The following RBFOX1 variants were observed in gnomAD, a reference collection of about 807,000 sequenced individuals.
RBFOX1 encodes the protein RNA binding protein fox-1 homolog 1.
In RBFOX1, 8 loss-of-function variants were observed where a neutral mutation model predicts 57.7. The ratio of observed to expected loss-of-function variants is 0.14; its 90% CI spans 0.08 to 0.25. The LOEUF (loss-of-function observed/expected upper bound fraction) is 0.25, where lower values mean the gene tolerates loss of function less well. Among genes scored for constraint, RBFOX1 ranks in the 10% least tolerant of loss-of-function variants. The probability of loss-of-function intolerance (pLI) is 1.00; values close to 1 mark genes in which losing one functional copy is unlikely to be tolerated. For missense variants in RBFOX1, 611 were observed against 548.5 expected, an observed-to-expected ratio of 1.11 and a Z score of -1.14; for synonymous variants, 326 against 222.4, an observed-to-expected ratio of 1.47 and a Z score of -4.15.
At chr16:6,380,714 A>G (rs1011914673) in intron 2 of RBFOX1, among the ~76,000 whole-genome samples, 14 of 152,124 alleles carry the variant, frequency 9.2e-5, no homozygotes, top group Non-Finnish European at 2.1e-4. Flanking sequence ...CCATTTCTGT[A>G]AAACAGGTGT....
intron 3 of RBFOX1, among the ~76,000 whole-genome samples, chr16:5,663,431 C>G (rs2049723860): frequency 6.6e-6 from 1 of 151,622 alleles, no homozygotes; most frequent in Non-Finnish European, 1.5e-5. Flanking sequence ...CCTCAAACTC[C>G]TGGCCTCAAG....
intron 10 of RBFOX1, among the ~76,000 whole-genome samples, chr16:7,628,905 A>G (rs1365072700): frequency 6.6e-6 from 1 of 152,134 alleles, no homozygotes; most frequent in Non-Finnish European, 1.5e-5. Flanking sequence ...GAGCCACTAC[A>G]CCTGGCCGAT....
At chr16:7,144,792 G>A (rs1472945682) in intron 4 of RBFOX1, among the ~76,000 whole-genome samples, 1 of 152,084 alleles carries the variant, frequency 6.6e-6, no homozygotes, top group Non-Finnish European at 1.5e-5. Context: ...TAAATCAATA[G>A]CAAATCAAGC....
chr16:6,797,833 C>G lies in RBFOX1; in HGVS notation c.-16+143183C>G, dbSNP rs377733789. Among the ~76,000 whole-genome samples the G allele has an allele frequency of 2.6e-5, 4 of 152,260 alleles. No individual in the cohort carries two copies. In the South Asian group the frequency reaches 8.3e-4, roughly 32 times the overall value. ...AACATTATGTCTGCAATCATGAGCT[C>G]TAGAACCACTCGACTTGAGTTGCTA... is the stretch of plus-strand genomic sequence containing the variant. On this transcript the variant is annotated intron_variant, in intron 3 of 15. Transcript: ENST00000550418.
At chr16:6,934,013 G>T (rs1471886418) in intron 3 of RBFOX1, among the ~76,000 whole-genome samples, 1 of 152,196 alleles carries the variant, frequency 6.6e-6, no homozygotes, top group Admixed American at 6.5e-5. Context: ...AGGGGTCAGG[G>T]AGGGGACACG....
chr16:7,157,330 C>G (rs975321613), intron 4 of RBFOX1, among the ~76,000 whole-genome samples: 1 of 151,958 alleles, frequency 6.6e-6, no homozygotes, highest in Non-Finnish European at 1.5e-5. Flanking sequence ...TCACAGAAAA[C>G]ATGTGTAATA....
At chr16:6,726,073 G>A (rs752264851) in intron 3 of RBFOX1, among the ~76,000 whole-genome samples, 2 of 152,096 alleles carry the variant, frequency 1.3e-5, no homozygotes, top group African/African-American at 2.4e-5. Context: ...TGACTCCTAC[G>A]TGATTATGTT....
intron 3 of RBFOX1, among the ~76,000 whole-genome samples, chr16:6,701,961 G>A (rs2061920487): frequency 6.6e-6 from 1 of 152,126 alleles, no homozygotes; most frequent in Non-Finnish European, 1.5e-5. Flanking sequence ...GAGGGTGGGA[G>A]GAGGGTGAGG....
At chr16:7,368,533 C>G (rs891448336) in intron 4 of RBFOX1, among the ~76,000 whole-genome samples, 4 of 151,812 alleles carry the variant, frequency 2.6e-5, no homozygotes, top group African/African-American at 9.7e-5. Context: ...AATCCCAGCA[C>G]TTTGGGAGGC....
At chr16:5,704,656 C>T (rs373897433) in intron 3 of RBFOX1, among the ~76,000 whole-genome samples, 1 of 152,170 alleles carries the variant, frequency 6.6e-6, no homozygotes, top group Non-Finnish European at 1.5e-5. Context: ...AAGTAGCCAA[C>T]TACTTGGGTT....
intron 1 of RBFOX1, among the ~76,000 whole-genome samples, chr16:6,135,859 A>G (rs2096663265): frequency 7.3e-6 from 1 of 137,088 alleles, no homozygotes; most frequent in Non-Finnish European, 1.5e-5. Context: ...CAGTGGCACG[A>G]TCTCAGCTCA....
chr16:5,673,624 G>A (rs2050080998), intron 3 of RBFOX1, among the ~76,000 whole-genome samples: 2 of 152,214 alleles, frequency 1.3e-5, no homozygotes, highest in Admixed American at 1.3e-4. Context: ...TGAAGTTCAT[G>A]TCTATCTTTG....
intron 3 of RBFOX1, among the ~76,000 whole-genome samples, chr16:6,945,462 A>T (rs1181850579): frequency 7.6e-6 from 1 of 132,322 alleles, no homozygotes; most frequent in Non-Finnish European, 1.6e-5. Flanking sequence ...GAAAATATGG[A>T]TATTTTGATT....
At chr16:5,387,374 C>T (rs58732731) in intron 1 of RBFOX1, among the ~76,000 whole-genome samples, 3 of 152,182 alleles carry the variant, frequency 2.0e-5, no homozygotes, top group African/African-American at 2.4e-5. Flanking sequence ...GAGAGGCCCT[C>T]CAAGTTGGCA....
At chr16:6,800,546 C>G (rs146765798) in intron 3 of RBFOX1, among the ~76,000 whole-genome samples, 113 of 152,238 alleles carry the variant, frequency 7.4e-4, no homozygotes, top group African/African-American at 2.4e-3. Flanking sequence ...GCACGCTACA[C>G]TTTAAGTAAC....
intron 2 of RBFOX1, among the ~76,000 whole-genome samples, chr16:5,511,559 C>T (rs984043270): frequency 2.0e-5 from 3 of 152,192 alleles, no homozygotes; most frequent in South Asian, 4.1e-4. Flanking sequence ...CTTTCTCCCT[C>T]CTCCTAGATG....
chr16:5,895,838 A>G (rs1327058045), intron 4 of RBFOX1, among the ~76,000 whole-genome samples: 8 of 152,208 alleles, frequency 5.3e-5, no homozygotes, highest in African/African-American at 1.9e-4. Context: ...ATAAACGGAA[A>G]GCGATGTAAC....
intron 3 of RBFOX1, among the ~76,000 whole-genome samples, chr16:5,856,012 A>G (rs368402965): frequency 7.8e-6 from 1 of 127,770 alleles, no homozygotes; most frequent in African/African-American, 3.0e-5. Flanking sequence ...CGTCAATAAG[A>G]TTACTTTCCT....
intron 2 of RBFOX1, among the ~76,000 whole-genome samples, chr16:6,361,061 G>C (rs1436468674): frequency 2.0e-5 from 3 of 152,008 alleles, no homozygotes; most frequent in Non-Finnish European, 4.4e-5. Context: ...TTGTCTAAAA[G>C]TTTAATCTTG....
Sources: gnomAD v4.1 joint callset for allele counts (sites outside exome capture counted in the v4.1 genomes callset) on GRCh38, gnomAD v4.1.1 for gene constraint, MANE v1.5 for transcripts, NCBI Gene and HGNC (gene_info 2026-07-23, HGNC 2026-07-21) for gene names.